Variants in MAF observed in about 807,000 individuals in gnomAD.
MAF encodes MAF bZIP transcription factor.
In MAF, 10 loss-of-function variants were observed where a neutral mutation model predicts 22.0. The observed-to-expected ratio is 0.45, with a 90% CI of 0.28 to 0.77. The LOEUF (loss-of-function observed/expected upper bound fraction) is 0.77. Ranked by LOEUF, MAF falls within the 30% of genes least tolerant of loss-of-function variation. The probability of loss-of-function intolerance (pLI) is 0.12; values close to 1 mark genes in which losing one functional copy is unlikely to be tolerated. For synonymous variants in MAF, 337 were observed against 255.8 expected (o/e 1.32, Z -3.03); for missense variants, 544 against 548.4 (o/e 0.99, Z 0.08).
At chr16:79,362,330 G>T in the MAF span, among the ~76,000 whole-genome samples, 2 of 152,184 alleles carry the variant, frequency 1.3e-5, no homozygotes, top group Admixed American at 1.3e-4. Flanking sequence ...TTTAGTAACA[G>T]TATTGCTCTC....
chr16:79,224,424 G>A, the MAF span, among the ~76,000 whole-genome samples: 1 of 152,150 alleles, frequency 6.6e-6, no homozygotes, highest in African/African-American at 2.4e-5. Flanking sequence ...GCAAAAACTG[G>A]AAGCATGCCT....
the MAF span, among the ~76,000 whole-genome samples, chr16:79,216,670 T>G: frequency 6.6e-6 from 1 of 152,196 alleles, no homozygotes; most frequent in African/African-American, 2.4e-5. Flanking sequence ...TTAGGTGTAT[T>G]AAATGCATTT....
chr16:79,507,720 C>A, the MAF span, among the ~76,000 whole-genome samples: 3 of 152,206 alleles, frequency 2.0e-5, no homozygotes, highest in Non-Finnish European at 4.4e-5. Context: ...CCACCGCGCC[C>A]GGCCGCATCC....
chr16:79,469,670 C>A, the MAF span, among the ~76,000 whole-genome samples: 1 of 152,132 alleles, frequency 6.6e-6, no homozygotes, highest in Admixed American at 6.5e-5. Context: ...GATCTCAGCT[C>A]ACTGCAACCT....
the MAF span, among the ~76,000 whole-genome samples, chr16:79,327,777 G>A: frequency 6.6e-6 from 1 of 152,200 alleles, no homozygotes; most frequent in East Asian, 1.9e-4. Context: ...CCCTGAGGAA[G>A]ATACTCTTAG....
At chr16:79,280,270 C>T in the MAF span, among the ~76,000 whole-genome samples, 21 of 152,124 alleles carry the variant, frequency 1.4e-4, no homozygotes, top group African/African-American at 3.9e-4. Flanking sequence ...GTGTAAATGC[C>T]GGGAGAAGAG....
At chr16:79,261,011 C>T in the MAF span, among the ~76,000 whole-genome samples, 1 of 152,024 alleles carries the variant, frequency 6.6e-6, no homozygotes, top group Admixed American at 6.6e-5. Flanking sequence ...TCCATTGGTC[C>T]AAGGCAGAGG....
the MAF span, chr16:79,204,111 T>C: frequency 0.79 from 119,226 of 151,366 alleles, 47,853 homozygotes; most frequent in Non-Finnish European, 0.85. Context: ...TCTGCTTGGC[T>C]ATTTCAAACC....
chr16:79,282,236 G>A, the MAF span, among the ~76,000 whole-genome samples: 1 of 152,186 alleles, frequency 6.6e-6, no homozygotes, highest in Non-Finnish European at 1.5e-5. Context: ...TTTCAAAGTG[G>A]AATGGAGACT....
At chr16:79,439,841 G>A in the MAF span, among the ~76,000 whole-genome samples, 2 of 152,136 alleles carry the variant, frequency 1.3e-5, no homozygotes, top group Admixed American at 6.5e-5. Flanking sequence ...CAGATCACAG[G>A]GGCAACCAAA....
the MAF span, among the ~76,000 whole-genome samples, chr16:79,480,900 G>A: frequency 1.3e-5 from 2 of 152,202 alleles, no homozygotes; most frequent in Admixed American, 6.5e-5. Context: ...GCAAGCCAGA[G>A]ATGTGGATGA....
the MAF span, among the ~76,000 whole-genome samples, chr16:79,431,038 T>A: frequency 6.6e-6 from 1 of 152,118 alleles, no homozygotes; most frequent in South Asian, 2.1e-4. Context: ...TTCCTTTGTG[T>A]GACATCCTGG....
At chr16:79,403,305 C>T in the MAF span, among the ~76,000 whole-genome samples, 1 of 152,200 alleles carries the variant, frequency 6.6e-6, no homozygotes, top group Non-Finnish European at 1.5e-5. Context: ...GGTATAGGGG[C>T]TCAGTGTATG....
At chr16:79,439,640 C>G in the MAF span, among the ~76,000 whole-genome samples, 2 of 152,178 alleles carry the variant, frequency 1.3e-5, no homozygotes, top group Non-Finnish European at 2.9e-5. Context: ...GCTGCAAAAA[C>G]AGTCTGCTCT....
At chr16:79,523,071 G>A in the MAF span, among the ~76,000 whole-genome samples, 2 of 152,124 alleles carry the variant, frequency 1.3e-5, no homozygotes, top group Non-Finnish European at 2.9e-5. Flanking sequence ...TACCCTCTAG[G>A]TATTTCTCTC....
the MAF span, among the ~76,000 whole-genome samples, chr16:79,316,547 C>CT: frequency 2.6e-3 from 403 of 152,192 alleles, 3 homozygotes; most frequent in African/African-American, 9.0e-3. Flanking sequence ...GCTAAAGCAT[C>CT]TTTTTTTTCA....
the MAF span, among the ~76,000 whole-genome samples, chr16:79,309,663 G>C: frequency 6.6e-6 from 1 of 152,182 alleles, no homozygotes; most frequent in Non-Finnish European, 1.5e-5. Flanking sequence ...CCCATCCACA[G>C]AGGGAACGGA....
chr16:79,496,468 C>A, the MAF span, among the ~76,000 whole-genome samples: 1 of 152,168 alleles, frequency 6.6e-6, no homozygotes, highest in Admixed American at 6.5e-5. Flanking sequence ...TTTTACTGTA[C>A]TTTATTACTC....
chr16:79,529,879 T>G, the MAF span, among the ~76,000 whole-genome samples: 142 of 151,996 alleles, frequency 9.3e-4, no homozygotes, highest in African/African-American at 2.8e-3. Context: ...GAGAATCGCT[T>G]GAACCTGGGA....
Sources: gnomAD v4.1 joint callset for allele counts (sites outside exome capture counted in the v4.1 genomes callset) on GRCh38, gnomAD v4.1.1 for gene constraint, MANE v1.5 for transcripts, NCBI Gene and HGNC (gene_info 2026-07-23, HGNC 2026-07-21) for gene names.